RASA1: variants seen among roughly 807,000 people sequenced by gnomAD.
The protein encoded by RASA1 is RAS p21 protein activator 1.
In RASA1, 25 loss-of-function variants were observed where a neutral mutation model predicts 132.2. That is an observed-to-expected ratio of 0.19 (90% CI 0.14 to 0.26). The LOEUF (loss-of-function observed/expected upper bound fraction) is 0.26, where lower values mean the gene tolerates loss of function less well. RASA1 is among the 10% of genes least tolerant of loss of function. The probability of loss-of-function intolerance (pLI) is 1.00; values close to 1 mark genes in which losing one functional copy is unlikely to be tolerated. For synonymous variants in RASA1, 477 were observed against 449.9 expected (o/e 1.06, Z -0.76); for missense variants, 964 against 1,299.2 (o/e 0.74, Z 3.97).
At chr5:87,364,191 G>C (rs1485575036) in intron 11 of RASA1, among the ~76,000 whole-genome samples, 1 of 152,102 alleles carries the variant, frequency 6.6e-6, no homozygotes, top group African/African-American at 2.4e-5. Flanking sequence ...TGTTTCAACA[G>C]CTTGTTTTTC....
At position 87,328,335 on chromosome 5, in the gene RASA1, CTT is replaced by C. The variant is rs1189275955; in HGVS notation, c.540-3012_540-3011del. Among the ~76,000 whole-genome samples the C allele has an allele frequency of 2.3e-4, 35 of 150,648 alleles. No homozygotes were observed. In the East Asian group the frequency reaches 6.6e-3, roughly 29 times the overall value. The stretch of plus-strand genomic sequence containing the variant: ...GATTCCAGTTGAATTTTTTTTTAAA[CTT>C]ATTTGAAAACGGTCACCAGCAAATC... On this transcript the variant is annotated intron_variant, in intron 1 of 24. Transcript: ENST00000274376.
rs1173665082 is a variant in RASA1, at chr5:87,386,890, T to C, written c.2912T>C (p.Leu971Ser). ...KSNKHRMIMFLDELGNVPELP... is the reference protein window; with the variant it reads ...KSNKHRMIMFSDELGNVPELP... ...AACAAACATCGTATGATCATGTTTT[T>C]AGATGAACTTGGGGTATGTATATAG... The change falls in exon 23 of 25, where the codon TTA becomes TCA. Residue 971 changes from leucine (L) to serine (S), a missense_variant. By Grantham distance (145) the Leu-to-Ser change is moderately radical (BLOSUM62 -2). Around this residue, in one of 6 missense-constraint regions of RASA1, gnomAD observed 107 missense variants for 163.8 expected, o/e 0.65. Coordinates refer to ENST00000274376, the MANE Select transcript of RASA1 (RefSeq NM_002890.3). 1.2e-6 allele frequency: 2 copies of C among 1,611,886 alleles called. No individual in the cohort carries two copies. The highest frequency in any genetic ancestry group is 2.2e-5 in the South Asian group (2 of 91,016).
intron 1 of RASA1, among the ~76,000 whole-genome samples, chr5:87,270,545 G>A (rs1464378300): frequency 2.7e-5 from 4 of 148,974 alleles, no homozygotes; most frequent in African/African-American, 5.0e-5. Context: ...ACGAAATTTC[G>A]CCATATGGCC....
chr5:87,387,345 G>A (rs1022741908), intron 23 of RASA1, among the ~76,000 whole-genome samples: 2 of 152,074 alleles, frequency 1.3e-5, no homozygotes, highest in African/African-American at 2.4e-5. Flanking sequence ...ACGTGGATTC[G>A]GTGTTACACT....
rs2112456891 is a variant in RASA1, at chr5:87,362,611, C to T, written c.1393C>T (p.Arg465Cys). The T allele has an allele frequency of 6.3e-7, 1 of 1,595,606 alleles. No individual in the cohort carries two copies. The highest frequency in any genetic ancestry group is 8.6e-7 in the Non-Finnish European group (1 of 1,163,506). The change falls in exon 10 of 25, where the codon CGT becomes TGT. Residue 465 changes from arginine (R) to cysteine (C), a missense_variant. Arg to Cys is a radical substitution (Grantham distance 180). Coordinates refer to ENST00000274376, the MANE Select transcript of RASA1 (RefSeq NM_002890.3). ...CAAGGAAATCTATAATACCATCCGT[C>T]GTAAAACAAAGGATGCCTTTTATAA... Reference protein sequence around the residue: ...DGKEIYNTIRRKTKDAFYKNI... With the variant: ...DGKEIYNTIRCKTKDAFYKNI...
intron 9 of RASA1, among the ~76,000 whole-genome samples, chr5:87,356,406 C>T (rs1045915435): frequency 7.3e-5 from 11 of 151,220 alleles, no homozygotes; most frequent in African/African-American, 2.2e-4. Flanking sequence ...TTTCTCCCTC[C>T]GGAGTCAGGG....
At chr5:87,284,964 A>G (rs934625657) in intron 1 of RASA1, among the ~76,000 whole-genome samples, 4 of 152,048 alleles carry the variant, frequency 2.6e-5, no homozygotes, top group African/African-American at 9.7e-5. Flanking sequence ...ATGTGATAGA[A>G]TAACATTTAA....
At chr5:87,367,669 T>C (rs1364629353) in intron 11 of RASA1, among the ~76,000 whole-genome samples, 1 of 152,236 alleles carries the variant, frequency 6.6e-6, no homozygotes, top group African/African-American at 2.4e-5. Flanking sequence ...TGACTATCCA[T>C]GTGGTAATTA....
chr5:87,390,138 A>C (rs1762391789), intron 24 of RASA1, among the ~76,000 whole-genome samples: 1 of 152,220 alleles, frequency 6.6e-6, no homozygotes. Flanking sequence ...CAAAGACCAG[A>C]CCAGAATTTG....
intron 6 of RASA1, 38 bp downstream of exon 6, chr5:87,341,359 C>T: frequency 2.0e-6 from 2 of 1,001,872 alleles, no homozygotes; most frequent in Admixed American, 3.9e-5. Flanking sequence ...AAAAAAAAAT[C>T]TATATTGTAA....
chr5:87,390,525 A>G (rs1223748048), intron 24 of RASA1, among the ~76,000 whole-genome samples: 1 of 152,112 alleles, frequency 6.6e-6, no homozygotes, highest in African/African-American at 2.4e-5. Flanking sequence ...ACTGCTTCTG[A>G]CAACATGTGA....
rs1761370326 is a variant in RASA1, at chr5:87,376,961, CCTA to C, written c.2268_2270del (p.Leu757del). The C allele has an allele frequency of 6.2e-7, 1 of 1,611,814 alleles. No individual in the cohort carries two copies. The highest frequency in any genetic ancestry group is 8.5e-7 in the Non-Finnish European group (1 of 1,178,062). The stretch of plus-strand genomic sequence containing the variant: ...AAGACCGAACACTACTGGCCAGCAT[CCTA>C]CTGAGGATTTTTCTTCACGAAAAGC... On this transcript the variant is annotated inframe_deletion, in exon 17 of 25. Coordinates refer to ENST00000274376, the MANE Select transcript of RASA1 (RefSeq NM_002890.3).
chr5:87,297,903 T>C (rs79713291), intron 1 of RASA1, among the ~76,000 whole-genome samples: 4,846 of 152,222 alleles, frequency 0.032, 160 homozygotes, highest in African/African-American at 0.074. Flanking sequence ...ACCCTGGCAC[T>C]GGTTCCCAAG....
chr5:87,279,628 G>A (rs58798446), intron 1 of RASA1, among the ~76,000 whole-genome samples: 5,503 of 152,234 alleles, frequency 0.036, 189 homozygotes, highest in African/African-American at 0.079. Context: ...CCAGCAATGT[G>A]TGAAAGATCC....
At chr5:87,333,442 C>A in intron 4 of RASA1, 105 bp downstream of exon 4, 7 of 1,519,188 alleles carry the variant, frequency 4.6e-6, no homozygotes, top group Non-Finnish European at 6.2e-6. Flanking sequence ...AAATGGCATA[C>A]AGCAAGGTGA....
At chr5:87,334,184 A>G (rs115338759) in intron 4 of RASA1, among the ~76,000 whole-genome samples, 3,193 of 152,288 alleles carry the variant, frequency 0.021, 111 homozygotes, top group African/African-American at 0.072. Flanking sequence ...TGAAAACCCA[A>G]GAAAGCCAGT....
In RASA1 at chr5:87,338,528, TA is replaced by T. The variant is rs1285597347; in HGVS notation, c.1017+438del. Among the ~76,000 whole-genome samples, 11 of 102,512 alleles carry T rather than the reference TA, an allele frequency of 1.1e-4. 1 individual carries two copies. The highest frequency in any genetic ancestry group is 9.8e-4 in the East Asian group (3 of 3,070). The allele number at this position is 102,512 out of a possible 152,430, so 67.3% of individuals were successfully genotyped here. ...ATATATATATATATATATATATATA[TA>T]TATAAAATTTTTTTTTTTTTTAAGT... On this transcript the variant is annotated intron_variant, in intron 5 of 24. Coordinates refer to ENST00000274376, the MANE Select transcript of RASA1 (RefSeq NM_002890.3).
At chr5:87,331,086 G>A (rs1402014131) in intron 1 of RASA1, 6 of 963,666 alleles carry the variant, frequency 6.2e-6, no homozygotes, top group Non-Finnish European at 9.0e-6. Context: ...CCTGGAAGTA[G>A]GGAGATGGGT....
chr5:87,330,212 T>C (rs980391385), intron 1 of RASA1, among the ~76,000 whole-genome samples: 3 of 152,154 alleles, frequency 2.0e-5, no homozygotes, highest in African/African-American at 7.2e-5. Context: ...TTCTGTGTTT[T>C]TGTTTTATTT....
Sources: allele counts gnomAD v4.1 joint callset (sites outside exome capture counted in the v4.1 genomes callset), GRCh38; gene constraint gnomAD v4.1.1; regional missense constraint gnomAD v4.1.1; transcripts MANE v1.5; gene names NCBI Gene and HGNC (gene_info 2026-07-23, HGNC 2026-07-21).